KSR2: variants seen among roughly 807,000 people sequenced by gnomAD.
The protein encoded by KSR2 is kinase suppressor of ras 2.
Under a neutral mutation model 107.8 loss-of-function variants are expected in KSR2, and 25 were observed. The observed-to-expected ratio is 0.23, with a 90% CI of 0.17 to 0.32. The LOEUF (loss-of-function observed/expected upper bound fraction) is 0.32. Ranked by LOEUF, KSR2 falls within the 10% of genes least tolerant of loss-of-function variation. KSR2 has a pLI of 1.00. For synonymous variants in KSR2, 480 were observed against 507.0 expected (o/e 0.95, Z 0.71); for missense variants, 887 against 1,268.9 (o/e 0.70, Z 4.57).
At chr12:117,480,697 T>C (rs902494780) in intron 16 of KSR2, among the ~76,000 whole-genome samples, 1 of 152,128 alleles carries the variant, frequency 6.6e-6, no homozygotes, top group Admixed American at 6.5e-5. Context: ...GCTGAGTGCC[T>C]ACTGTTTGCC....
intron 1 of KSR2, among the ~76,000 whole-genome samples, chr12:117,949,536 T>C (rs1896297732): frequency 6.6e-6 from 1 of 152,168 alleles, no homozygotes; most frequent in African/African-American, 2.4e-5. Context: ...TGGGGAAGCA[T>C]GAAAGAAATT....
At chr12:117,724,761 C>T (rs776626723) in intron 4 of KSR2, among the ~76,000 whole-genome samples, 3 of 150,840 alleles carry the variant, frequency 2.0e-5, no homozygotes, top group Admixed American at 6.6e-5. Flanking sequence ...TCCCTTGTAG[C>T]GAGGGTTGTT....
At position 117,612,254 on chromosome 12, in the gene KSR2, A is replaced by G. The variant is rs895687145; in HGVS notation, c.1172-29895T>C. On this transcript the variant is annotated intron_variant, in intron 5 of 19. Coordinates refer to ENST00000339824, the MANE Select transcript of KSR2 (RefSeq NM_173598.6). ...CCTCGTTTCTACTGAAATACAAAAAATTAGCCGGGCGTGGTGGTGCACCCC... is the reference window on the plus strand; with the variant it reads ...CCTCGTTTCTACTGAAATACAAAAAGTTAGCCGGGCGTGGTGGTGCACCCC... Among the ~76,000 whole-genome samples, 7 of 152,188 alleles carry G rather than the reference A, an allele frequency of 4.6e-5. 1 individual carries two copies. In the South Asian group the frequency reaches 6.2e-4, roughly 14 times the overall value.
chr12:117,479,037 G>A (rs996712077), intron 16 of KSR2, among the ~76,000 whole-genome samples: 3 of 152,162 alleles, frequency 2.0e-5, no homozygotes, highest in Non-Finnish European at 2.9e-5. Context: ...CCTGAATGAC[G>A]CTCCAAGAGT....
intron 3 of KSR2, among the ~76,000 whole-genome samples, chr12:117,817,925 ACCC>A (rs1891431156): frequency 6.6e-6 from 1 of 151,230 alleles, no homozygotes; most frequent in South Asian, 2.1e-4. Context: ...ACACAGTAAA[ACCC>A]CGTCTACACT....
At chr12:117,824,208 A>G (rs939313878) in intron 3 of KSR2, among the ~76,000 whole-genome samples, 1 of 149,252 alleles carries the variant, frequency 6.7e-6, no homozygotes, top group Non-Finnish European at 1.5e-5. Flanking sequence ...AGTGGGTCTC[A>G]TGAAGATAGA....
intron 5 of KSR2, among the ~76,000 whole-genome samples, chr12:117,590,235 G>A (rs1334374580): frequency 6.6e-6 from 1 of 152,254 alleles, no homozygotes; most frequent in Non-Finnish European, 1.5e-5. Context: ...TTAAGTTAGA[G>A]ACAAGACCTT....
At chr12:117,858,748 T>A (rs1422498296) in intron 2 of KSR2, among the ~76,000 whole-genome samples, 3 of 152,226 alleles carry the variant, frequency 2.0e-5, no homozygotes, top group Non-Finnish European at 4.4e-5. Context: ...GACATCCTGC[T>A]AGCCCCATCC....
At chr12:117,621,531 T>C (rs1882195612) in intron 5 of KSR2, among the ~76,000 whole-genome samples, 1 of 152,064 alleles carries the variant, frequency 6.6e-6, no homozygotes, top group African/African-American at 2.4e-5. Context: ...CTTCATAGGG[T>C]TGTTACAAGG....
At chr12:117,943,257 C>T (rs1361074011) in intron 1 of KSR2, among the ~76,000 whole-genome samples, 1 of 152,090 alleles carries the variant, frequency 6.6e-6, no homozygotes, top group Non-Finnish European at 1.5e-5. Context: ...CTCAAAACGA[C>T]TATTTTCTCC....
intron 4 of KSR2, among the ~76,000 whole-genome samples, chr12:117,703,857 C>G (rs1281566307): frequency 6.6e-6 from 1 of 152,234 alleles, no homozygotes; most frequent in Non-Finnish European, 1.5e-5. Flanking sequence ...ATTACCCCCT[C>G]TCCATGCAGT....
chr12:117,740,338 GT>G (rs1156397464), intron 4 of KSR2, among the ~76,000 whole-genome samples: 2 of 109,900 alleles, frequency 1.8e-5, no homozygotes, highest in African/African-American at 2.9e-5. Context: ...TTATATATAT[GT>G]TATATATACT....
At chr12:117,793,680 CCAACATGCACACATA>C (rs1457610740) in intron 3 of KSR2, among the ~76,000 whole-genome samples, 1 of 150,052 alleles carries the variant, frequency 6.7e-6, no homozygotes, top group African/African-American at 2.5e-5. Context: ...CATGCACACA[CCAACATGCACACATA>C]CAACATGCAC....
chr12:117,894,236 A>G (rs1894439019), intron 1 of KSR2, among the ~76,000 whole-genome samples: 1 of 152,206 alleles, frequency 6.6e-6, no homozygotes, highest in African/African-American at 2.4e-5. Context: ...GACAGGCTCT[A>G]ATAGTGCCAG....
At chr12:117,844,433 GA>G (rs901973315) in intron 3 of KSR2, among the ~76,000 whole-genome samples, 4 of 146,086 alleles carry the variant, frequency 2.7e-5, no homozygotes, top group South Asian at 2.2e-4. Flanking sequence ...TAACAGATAA[GA>G]AAAAAAAACA....
chr12:117,694,297 G>A (rs11068631), intron 4 of KSR2, among the ~76,000 whole-genome samples: 26,147 of 152,088 alleles, frequency 0.17, 2,504 homozygotes, highest in African/African-American at 0.25. Flanking sequence ...TACTGTTCTC[G>A]TGGTAGTGAA....
chr12:117,732,071 T>C (rs1887747442), intron 4 of KSR2, among the ~76,000 whole-genome samples: 1 of 151,350 alleles, frequency 6.6e-6, no homozygotes, highest in Non-Finnish European at 1.5e-5. Context: ...AAAGCTGGTG[T>C]CAAGCTCAGA....
chr12:117,553,392 C>T (rs1053689696), intron 9 of KSR2, among the ~76,000 whole-genome samples: 6 of 152,138 alleles, frequency 3.9e-5, no homozygotes, highest in Non-Finnish European at 8.8e-5. Flanking sequence ...TAGATGCAGT[C>T]GAAAGCTATT....
intron 1 of KSR2, among the ~76,000 whole-genome samples, chr12:117,924,596 A>G (rs1270469772): frequency 4.1e-5 from 6 of 146,972 alleles, no homozygotes; most frequent in Non-Finnish European, 7.5e-5. Flanking sequence ...AAAAAAAAAA[A>G]GAAAGAAAGA....
Sources: gnomAD v4.1 joint callset for allele counts (sites outside exome capture counted in the v4.1 genomes callset) on GRCh38, gnomAD v4.1.1 for gene constraint, MANE v1.5 for transcripts, NCBI Gene and HGNC (gene_info 2026-07-23, HGNC 2026-07-21) for gene names.